NUDCD3: variants seen among roughly 807,000 people sequenced by gnomAD.
NUDCD3 encodes NudC domain containing 3, also known as nudC domain-containing protein 3.
In NUDCD3, 13 loss-of-function variants were observed where a neutral mutation model predicts 39.7. The ratio of observed to expected loss-of-function variants is 0.33; its 90% confidence interval spans 0.21 to 0.52. NUDCD3 has a LOEUF of 0.52. Ranked by LOEUF, NUDCD3 falls within the 20% of genes least tolerant of loss-of-function variation. The pLI, the probability that NUDCD3 is intolerant of heterozygous loss-of-function variation, is 0.96. For synonymous variants in NUDCD3, 175 were observed against 172.4 expected (o/e 1.02, Z -0.12); for missense variants, 453 against 458.1 (o/e 0.99, Z 0.10).
At chr7:44,455,312 C>T (rs553010024) in intron 2 of NUDCD3, among the ~76,000 whole-genome samples, 3 of 152,210 alleles carry the variant, frequency 2.0e-5, no homozygotes, top group African/African-American at 4.8e-5. Context: ...TGGCACTGCA[C>T]GGGGTCCTTT....
At chr7:44,427,527 T>C in intron 3 of NUDCD3, 44 bp downstream of exon 3, 1 of 1,586,780 alleles carries the variant, frequency 6.3e-7, no homozygotes, top group Non-Finnish European at 8.6e-7. Flanking sequence ...CAGCTTTGAC[T>C]GGCTTGGGTG....
intron 3 of NUDCD3, among the ~76,000 whole-genome samples, chr7:44,408,475 T>C (rs1798868166): frequency 1.3e-5 from 2 of 152,176 alleles, no homozygotes; most frequent in South Asian, 2.1e-4. Flanking sequence ...TGATGAAGTA[T>C]ACTATTTTTG....
intron 1 of NUDCD3, among the ~76,000 whole-genome samples, chr7:44,488,505 GTTC>G (rs1220611747): frequency 6.6e-6 from 1 of 152,050 alleles, no homozygotes; most frequent in East Asian, 1.9e-4. Flanking sequence ...CCCAAGGCCT[GTTC>G]TTCACCTTTG....
chr7:44,395,134 T>C (rs1442278578), intron 4 of NUDCD3, among the ~76,000 whole-genome samples: 2 of 152,244 alleles, frequency 1.3e-5, no homozygotes, highest in Admixed American at 1.3e-4. Flanking sequence ...CCAAGTTGTT[T>C]CAAAAATATT....
chr7:44,460,756 AAG>A (rs1349672305), intron 2 of NUDCD3, among the ~76,000 whole-genome samples: 1 of 152,216 alleles, frequency 6.6e-6, no homozygotes, highest in Admixed American at 6.5e-5. Context: ...GGGGGAAAGA[AAG>A]AGAAAACAAA....
chr7:44,462,151 ACTCTCTCT>A, intron 2 of NUDCD3, among the ~76,000 whole-genome samples: 1 of 150,178 alleles, frequency 6.7e-6, no homozygotes, highest in Non-Finnish European at 1.5e-5. Context: ...GTACACACAC[ACTCTCTCT>A]CTCTCTCTCA....
intron 2 of NUDCD3, among the ~76,000 whole-genome samples, chr7:44,435,600 C>T (rs1465442398): frequency 6.6e-6 from 1 of 152,070 alleles, no homozygotes; most frequent in African/African-American, 2.4e-5. Context: ...AAGGCCATGC[C>T]CCTAAATAAG....
At chr7:44,432,873 A>G (rs1585075304) in intron 2 of NUDCD3, among the ~76,000 whole-genome samples, 2 of 152,332 alleles carry the variant, frequency 1.3e-5, no homozygotes, top group African/African-American at 4.8e-5. Context: ...GAGGTCCCAC[A>G]ACATCTGGGT....
intron 1 of NUDCD3, 23 bp downstream of exon 1, chr7:44,490,386 G>A (rs968675812): frequency 2.6e-6 from 4 of 1,518,666 alleles, no homozygotes; most frequent in East Asian, 2.5e-5. Context: ...CGGCTCCCCA[G>A]ACCGCAGGCC....
At chr7:44,405,310 T>C (rs1798798063) in intron 3 of NUDCD3, among the ~76,000 whole-genome samples, 2 of 152,290 alleles carry the variant, frequency 1.3e-5, no homozygotes, top group South Asian at 4.1e-4. Flanking sequence ...CCCACCGCCC[T>C]AGGAACACCT....
chr7:44,397,984 T>A (rs919545776), intron 4 of NUDCD3, among the ~76,000 whole-genome samples: 14 of 152,116 alleles, frequency 9.2e-5, no homozygotes, highest in African/African-American at 3.1e-4. Flanking sequence ...TGGACACACA[T>A]GTGTTCCACC....
chr7:44,484,234 G>T (rs1800555428), intron 2 of NUDCD3, among the ~76,000 whole-genome samples: 1 of 152,116 alleles, frequency 6.6e-6, no homozygotes, highest in African/African-American at 2.4e-5. Flanking sequence ...CACAAGAAGG[G>T]ATCAGCTCCT....
At chr7:44,387,380 A>C (rs955541364) in intron 5 of NUDCD3, among the ~76,000 whole-genome samples, 1 of 152,182 alleles carries the variant, frequency 6.6e-6, no homozygotes, top group African/African-American at 2.4e-5. Context: ...TCAAAGACAG[A>C]TACTATATAC....
At chr7:44,461,621 C>T (rs1181910738) in intron 2 of NUDCD3, among the ~76,000 whole-genome samples, 1 of 151,978 alleles carries the variant, frequency 6.6e-6, no homozygotes, top group African/African-American at 2.4e-5. Flanking sequence ...AGTGAAGGAG[C>T]CTTTGAAGAA....
chr7:44,401,503 T>A (rs1585054915), intron 4 of NUDCD3, among the ~76,000 whole-genome samples: 2 of 151,952 alleles, frequency 1.3e-5, no homozygotes, highest in South Asian at 4.2e-4. Flanking sequence ...ATGGGAAGAG[T>A]TTAAATGCTC....
At chr7:44,464,591 T>G (rs1377375594) in intron 2 of NUDCD3, among the ~76,000 whole-genome samples, 1 of 152,052 alleles carries the variant, frequency 6.6e-6, no homozygotes, top group East Asian at 1.9e-4. Context: ...GTAACTGGGA[T>G]TACAGGCATG....
chr7:44,454,510 C>T (rs535219162), intron 2 of NUDCD3, among the ~76,000 whole-genome samples: 53 of 152,220 alleles, frequency 3.5e-4, no homozygotes, highest in South Asian at 1.7e-3. Flanking sequence ...CATATAACCA[C>T]TGAGGCTAAC....
intron 4 of NUDCD3, among the ~76,000 whole-genome samples, chr7:44,399,858 T>A (rs1297911808): frequency 6.6e-6 from 1 of 152,180 alleles, no homozygotes; most frequent in Non-Finnish European, 1.5e-5. Flanking sequence ...ACAAATATAT[T>A]ACGATGAGTT....
At chr7:44,456,117 T>A (rs991461510) in intron 2 of NUDCD3, among the ~76,000 whole-genome samples, 1 of 134,364 alleles carries the variant, frequency 7.4e-6, no homozygotes, top group South Asian at 2.4e-4. Flanking sequence ...AAACTAATAA[T>A]GATAGCAAAG....
Sources: gnomAD v4.1 joint callset for allele counts (sites outside exome capture counted in the v4.1 genomes callset) on GRCh38, gnomAD v4.1.1 for gene constraint, MANE v1.5 for transcripts, NCBI Gene and HGNC (gene_info 2026-07-23, HGNC 2026-07-21) for gene names.